Variants in FKBP8 observed in about 807,000 individuals in gnomAD.
The protein encoded by FKBP8 is peptidyl-prolyl cis-trans isomerase FKBP8.
FKBP8 carries 5 observed loss-of-function variants against 41.7 expected under a neutral mutation model. The observed-to-expected ratio is 0.12, with a 90% CI of 0.06 to 0.25. FKBP8 has a LOEUF of 0.25. Among genes scored for constraint, FKBP8 ranks in the 10% least tolerant of loss-of-function variants. The probability of loss-of-function intolerance (pLI) is 1.00; values close to 1 mark genes in which losing one functional copy is unlikely to be tolerated. For missense variants in FKBP8, 397 were observed against 563.0 expected (o/e 0.71, Z 2.98); for synonymous variants, 279 against 254.5 (o/e 1.10, Z -0.92).
chr19:18,535,497 C>T (rs951686602), intron 6 of FKBP8, among the ~76,000 whole-genome samples: 5 of 151,980 alleles, frequency 3.3e-5, no homozygotes, highest in Admixed American at 2.6e-4. Context: ...TGGAGCTGGG[C>T]GAAGTGGCTC....
Position 18,537,563 on chromosome 19 carries a change from G to T in FKBP8, c.945+38C>A. The T allele has an allele frequency of 6.5e-6, 10 of 1,548,574 alleles. No homozygotes were observed. The highest frequency in any genetic ancestry group is 1.4e-5 in the African/African-American group (1 of 73,652). On this transcript the variant is annotated intron_variant, in intron 6 of 8. Transcript: ENST00000608443. This position sits in a 1 kb window ranked among gnomAD's most constrained non-coding sequence, Gnocchi z 4.4. ...GTTGGGGACCACCCCGTATACCCCA[G>T]GCTGAGTGACCCGGCCTGGCACCCC...
rs1033980340 is a variant in FKBP8, at chr19:18,532,095, A to G, written c.*74T>C. On this transcript the variant is annotated 3_prime_UTR_variant, in exon 9 of 9. Transcript: ENST00000608443. ...GGCCAGACCAGGGAGGGCAGTGGACAGGGAGCCTGGGGGAGTTGGGGAGCG... is the reference window on the plus strand; with the variant it reads ...GGCCAGACCAGGGAGGGCAGTGGACGGGGAGCCTGGGGGAGTTGGGGAGCG... 5.3e-6 allele frequency: 7 copies of G among 1,324,014 alleles called. No individual in the cohort carries two copies. Among genetic ancestry groups the G allele is most frequent in the Non-Finnish European group, 7.4e-6 (7 of 941,752 alleles). The allele number at this position is 1,324,014 out of a possible 1,614,324, so 82.0% of individuals were successfully genotyped here.
In FKBP8 at chr19:18,532,064, G is replaced by T; in HGVS notation, c.*105C>A. ...CCAATCCTTGCTCCCCTAACCCGGA[G>T]GAGGGGGCCAGACCAGGGAGGGCAG... On this transcript the variant is annotated 3_prime_UTR_variant, in exon 9 of 9. Transcript: ENST00000608443. The T allele has an allele frequency of 9.9e-7, 1 of 1,013,312 alleles. No homozygotes were observed. Among genetic ancestry groups the T allele is most frequent in the Non-Finnish European group, 1.5e-6 (1 of 664,774 alleles). 62.8% of individuals were successfully genotyped at this position (1,013,312 alleles called of 1,614,324 possible).
chr19:18,532,429 T>G, intron 8 of FKBP8, 174 bp from the exon 9 acceptor site: 1 of 888,934 alleles, frequency 1.1e-6, no homozygotes, highest in Non-Finnish European at 1.8e-6. Flanking sequence ...AAATGGCCCC[T>G]CCTCCAGGAC....
Position 18,539,384 on chromosome 19 carries a change from C to T in FKBP8, c.538G>A (p.Gly180Ser), listed in dbSNP as rs748588052. The T allele has an allele frequency of 6.2e-7, 1 of 1,613,012 alleles. No individual in the cohort carries two copies. ...GCTGACTCTCACCTGCCTTGGGGGC[C>T]GTAGCAGTACTTGGAGTCAGCAGTG... is the stretch of plus-strand genomic sequence containing the variant. ...MVTADSKYCY[G>S]PQGSRSPYIP... The change falls in exon 4 of 9, where the codon GGC (glycine) becomes AGC (serine). Residue 180 changes from glycine (G) to serine (S), a missense_variant. By Grantham distance (56) the Gly-to-Ser change is moderately conservative. Transcript: ENST00000608443.
At position 18,537,844 on chromosome 19, in the gene FKBP8, C is replaced by T. The variant is rs1474941273; in HGVS notation, c.773-71G>A. ...AGACACCCCGGCACCCACCCCTCTG[C>T]GGAGGCTGCCTCTCTGGCCTCAGTT... On this transcript the variant is annotated intron_variant, in intron 5 of 8. Transcript: ENST00000608443. This position sits in a 1 kb window ranked among gnomAD's most constrained non-coding sequence, Gnocchi z 4.4. 46 of 1,480,940 alleles carry T rather than the reference C, an allele frequency of 3.1e-5. No individual in the cohort carries two copies. Among genetic ancestry groups the T allele is most frequent in the Non-Finnish European group, 3.6e-5 (39 of 1,094,234 alleles). The allele number at this position is 1,480,940 out of a possible 1,614,324, so 91.7% of individuals were successfully genotyped here.
rs1976636027 is a variant in FKBP8 at position 18,538,722 on chromosome 19, A to G, written c.552-286T>C. ...GAGTGCAGTGGTGCAATCTTGGCTC[A>G]CTGCAGCCTCAAAAACGTGGGCTCA... is the stretch of plus-strand genomic sequence containing the variant. On this transcript the variant is annotated intron_variant, in intron 4 of 8. Coordinates refer to ENST00000608443, the MANE Select transcript of FKBP8 (RefSeq NM_012181.5). This position sits in a 1 kb window ranked among gnomAD's most constrained non-coding sequence, Gnocchi z 4.0. Among the ~76,000 whole-genome samples the G allele has an allele frequency of 1.3e-5, 2 of 151,450 alleles. No individual in the cohort carries two copies. The highest frequency in any genetic ancestry group is 1.3e-4 in the Admixed American group (2 of 15,164).
chr19:18,541,592 C>T lies in FKBP8; in HGVS notation c.292+87G>A. The T allele has an allele frequency of 5.9e-6, 9 of 1,518,178 alleles. No individual in the cohort carries two copies. In the South Asian group the frequency reaches 9.3e-5, roughly 16 times the overall value. 94.0% of individuals were successfully genotyped at this position (1,518,178 alleles called of 1,614,324 possible). A position where few individuals can be genotyped will look rare whatever the true frequency, so the allele number is the denominator to read the frequency against. On this transcript the variant is annotated intron_variant, in intron 2 of 8. Transcript: ENST00000608443. ...ATCACGGTGGTGACCACGTGACTTC[C>T]AACCCTCACAGCACAGATGGGGAAA... is the stretch of plus-strand genomic sequence containing the variant.
intron 8 of FKBP8, 115 bp downstream of exon 8, chr19:18,532,549 C>A: frequency 1.4e-6 from 2 of 1,459,214 alleles, no homozygotes; most frequent in Middle Eastern, 3.6e-4. Flanking sequence ...CTCTCCACGT[C>A]CCCTGCATCG....
At chr19:18,535,679 G>T (rs559306776) in intron 6 of FKBP8, among the ~76,000 whole-genome samples, 1 of 149,252 alleles carries the variant, frequency 6.7e-6, no homozygotes, top group Non-Finnish European at 1.5e-5. Context: ...AGCCAAGATC[G>T]TGCCACTGCA....
rs868300966 is a variant in FKBP8, at chr19:18,531,825, G to A, written c.*344C>T. 1.6e-4 allele frequency: 45 copies of A among 285,262 alleles called. No individual in the cohort carries two copies. The highest frequency in any genetic ancestry group is 7.9e-4 in the African/African-American group (37 of 46,944). 17.7% of individuals were successfully genotyped at this position (285,262 alleles called of 1,614,324 possible). ...GGAACCTGGACAGGGGGCGGCAGGCGGGGTGGGGGGCTGGCACTCAGGCGG... is the reference window on the plus strand; with the variant it reads ...GGAACCTGGACAGGGGGCGGCAGGCAGGGTGGGGGGCTGGCACTCAGGCGG... On this transcript the variant is annotated 3_prime_UTR_variant, in exon 9 of 9. Transcript: ENST00000608443.
At chr19:18,533,423 T>C in intron 6 of FKBP8, 76 bp from the exon 7 acceptor site, 2 of 1,191,168 alleles carry the variant, frequency 1.7e-6, no homozygotes, top group East Asian at 5.2e-5. Context: ...CCCAGGAGGT[T>C]GCAGTGAGCC....
At chr19:18,532,313 G>A (rs1258546809) in intron 8 of FKBP8, 58 bp from the exon 9 acceptor site, 7 of 1,451,312 alleles carry the variant, frequency 4.8e-6, no homozygotes, top group Non-Finnish European at 6.6e-6. Context: ...GGCCTCTGGG[G>A]CCTCAGCTGC....
At chr19:18,532,884 T>C (rs1399194782) in intron 7 of FKBP8, 89 bp from the exon 8 acceptor site, 2 of 1,551,908 alleles carry the variant, frequency 1.3e-6, no homozygotes, top group Admixed American at 3.6e-5. Context: ...GCTGTTTGGG[T>C]GGTGGGACTG....
At chr19:18,532,574 G>A in intron 8 of FKBP8, 90 bp downstream of exon 8, 1 of 1,545,964 alleles carries the variant, frequency 6.5e-7, no homozygotes, top group South Asian at 1.2e-5. Context: ...GGACGGCCCA[G>A]TCTCCGAGGA....
rs768161236 is a variant in FKBP8 at position 18,532,134 on chromosome 19, A to G, written c.*35T>C. 1.3e-6 allele frequency: 2 copies of G among 1,538,192 alleles called. No individual in the cohort carries two copies. The highest frequency in any genetic ancestry group is 2.4e-5 in the South Asian group (2 of 84,442). Reference sequence around the variant, plus strand: ...AGTTGGGGAGCGCAGGGCAGGGTCCATGGTGTGCAGAGGGGGTGGCAGCCA... The same window carrying G: ...AGTTGGGGAGCGCAGGGCAGGGTCCGTGGTGTGCAGAGGGGGTGGCAGCCA... On this transcript the variant is annotated 3_prime_UTR_variant, in exon 9 of 9. Coordinates refer to ENST00000608443, the MANE Select transcript of FKBP8 (RefSeq NM_012181.5).
chr19:18,540,629 T>C (rs1976676431), intron 2 of FKBP8, among the ~76,000 whole-genome samples: 1 of 151,988 alleles, frequency 6.6e-6, no homozygotes, highest in African/African-American at 2.4e-5. Context: ...CTCAGCACTT[T>C]AGGAGGCCAA....
chr19:18,540,258 C>A (rs953824855), intron 2 of FKBP8, among the ~76,000 whole-genome samples: 4 of 152,240 alleles, frequency 2.6e-5, no homozygotes, highest in African/African-American at 9.6e-5. Flanking sequence ...GTTAGCAGAG[C>A]CCCTGTGACA....
chr19:18,541,792 T>C lies in FKBP8; in HGVS notation c.179A>G (p.Gln60Arg), dbSNP rs1976708731. The change falls in exon 2 of 9, where the codon CAA becomes CGA. Residue 60 changes from glutamine (Q) to arginine (R), a missense_variant. By Grantham distance (43) the Gln-to-Arg change is conservative (BLOSUM62 1). Coordinates refer to ENST00000608443, the MANE Select transcript of FKBP8 (RefSeq NM_012181.5). ...CTGCTCAGCCTCCTCCGCCGGGGGT[T>C]GTCCCATGTCCTCCAGCGGTGGCAG... ...SELPPLEDMG[Q>R]PPAEEAEQPG... The C allele has an allele frequency of 1.2e-6, 2 of 1,613,844 alleles. No homozygotes were observed. Among genetic ancestry groups the C allele is most frequent in the African/African-American group, 2.7e-5 (2 of 74,926 alleles).
Sources: allele counts gnomAD v4.1 joint callset (sites outside exome capture counted in the v4.1 genomes callset), GRCh38; gene constraint gnomAD v4.1.1; non-coding constraint Gnocchi (gnomAD v3.1); transcripts MANE v1.5; gene names NCBI Gene and HGNC (gene_info 2026-07-23, HGNC 2026-07-21).